LAMA2: variants seen among roughly 807,000 people sequenced by gnomAD.
LAMA2 encodes the protein laminin subunit alpha-2.
LAMA2 carries 269 observed loss-of-function variants against 364.8 expected under a neutral mutation model. That is an observed-to-expected ratio of 0.74 (90% CI 0.67 to 0.82). LAMA2 has a LOEUF of 0.82. Ranked by LOEUF, LAMA2 falls within the 40% of genes least tolerant of loss-of-function variation. The pLI is 0.00. For missense variants in LAMA2, 3,807 were observed against 3,873.2 expected (o/e 0.98, Z 0.45); for synonymous variants, 1,379 against 1,370.6 (o/e 1.01, Z -0.14).
chr6:128,959,027 T>A (rs887999550), intron 1 of LAMA2, among the ~76,000 whole-genome samples: 1 of 152,218 alleles, frequency 6.6e-6, no homozygotes, highest in Non-Finnish European at 1.5e-5. Context: ...GCTAACATTG[T>A]TAAAACCATA....
chr6:129,139,374 G>A (rs929827835), intron 4 of LAMA2, among the ~76,000 whole-genome samples: 3 of 152,010 alleles, frequency 2.0e-5, no homozygotes, highest in Non-Finnish European at 2.9e-5. Flanking sequence ...CATCTGTACC[G>A]AACATGTGCA....
chr6:128,920,955 C>G (rs1173719492), intron 1 of LAMA2, among the ~76,000 whole-genome samples: 1 of 152,122 alleles, frequency 6.6e-6, no homozygotes, highest in Admixed American at 6.5e-5. Context: ...AGGCTTTGAA[C>G]TGACAATTTG....
At chr6:128,997,368 A>AAGAG (rs1355847343) in intron 1 of LAMA2, among the ~76,000 whole-genome samples, 3 of 146,484 alleles carry the variant, frequency 2.0e-5, no homozygotes, top group Non-Finnish European at 3.0e-5. Context: ...GAAAGAAAGA[A>AAGAG]AGAGAGAGAG....
chr6:129,338,812 G>A (rs577107818), intron 29 of LAMA2, among the ~76,000 whole-genome samples: 4 of 152,276 alleles, frequency 2.6e-5, no homozygotes, highest in South Asian at 2.1e-4. Flanking sequence ...GATATACACT[G>A]TAGAGCTAAG....
intron 51 of LAMA2, among the ~76,000 whole-genome samples, chr6:129,469,214 G>A (rs973599782): frequency 6.6e-6 from 1 of 151,874 alleles, no homozygotes; most frequent in Non-Finnish European, 1.5e-5. Context: ...ATGTGACAGG[G>A]TAATTTCAAT....
At chr6:129,462,514 T>C (rs980991940) in intron 49 of LAMA2, among the ~76,000 whole-genome samples, 1 of 152,012 alleles carries the variant, frequency 6.6e-6, no homozygotes, top group Non-Finnish European at 1.5e-5. Context: ...CATCAAACTA[T>C]ATTCACATTT....
intron 1 of LAMA2, among the ~76,000 whole-genome samples, chr6:128,967,415 G>T (rs1781911841): frequency 6.6e-6 from 1 of 152,146 alleles, no homozygotes; most frequent in Non-Finnish European, 1.5e-5. Context: ...AAATATTTGT[G>T]CCAGGCACTG....
At chr6:129,368,000 A>G (rs4296900) in intron 33 of LAMA2, among the ~76,000 whole-genome samples, 109,379 of 152,124 alleles carry the variant, frequency 0.72, 40,023 homozygotes, top group Non-Finnish European at 0.79. Flanking sequence ...AGCAATGTTC[A>G]ATGTCTAGTG....
At chr6:129,087,339 G>A (rs4568475) in intron 3 of LAMA2, among the ~76,000 whole-genome samples, 143,191 of 152,222 alleles carry the variant, frequency 0.94, 67,499 homozygotes, top group East Asian at 0.97. Context: ...TTCCCCAAGG[G>A]AAAGATTATT....
intron 40 of LAMA2, among the ~76,000 whole-genome samples, chr6:129,422,148 C>T (rs186394107): frequency 6.6e-6 from 1 of 152,158 alleles, no homozygotes; most frequent in African/African-American, 2.4e-5. Context: ...ATCAAAAGTC[C>T]CTGCCTGCCT....
intron 3 of LAMA2, among the ~76,000 whole-genome samples, chr6:129,070,131 C>G (rs1227356778): frequency 6.6e-6 from 1 of 151,968 alleles, no homozygotes; most frequent in Non-Finnish European, 1.5e-5. Context: ...GTAACTTGTC[C>G]CACTTTTATG....
chr6:128,995,981 C>A (rs1582843952), intron 1 of LAMA2, among the ~76,000 whole-genome samples: 2 of 152,190 alleles, frequency 1.3e-5, no homozygotes, highest in East Asian at 1.9e-4. Flanking sequence ...TATATGAATT[C>A]ATTCTTTATT....
rs543824838 is a variant in LAMA2 at position 129,144,212 on chromosome 6, GATTATT to G, written c.819+148_819+153del. ...ATCAAATTTTTATTTTAGAATTGTAGATTATTATTATTATTATTATTTGAAATTTGA... is the reference window on the plus strand; with the variant it reads ...ATCAAATTTTTATTTTAGAATTGTAGATTATTATTATTATTTGAAATTTGA... On this transcript the variant is annotated intron_variant, in intron 5 of 64. Coordinates refer to ENST00000421865, the MANE Select transcript of LAMA2 (RefSeq NM_000426.4). 9.6e-3 allele frequency: 6,004 copies of G among 623,164 alleles called. 115 individuals are homozygous for G. Among genetic ancestry groups the G allele is most frequent in the South Asian group, 0.022 (1,014 of 45,352 alleles). The allele number at this position is 623,164 out of a possible 1,614,324, so 38.6% of individuals were successfully genotyped here.
intron 4 of LAMA2, among the ~76,000 whole-genome samples, chr6:129,102,368 C>T (rs1487589414): frequency 6.6e-6 from 1 of 151,944 alleles, no homozygotes; most frequent in Non-Finnish European, 1.5e-5. Context: ...ATCTCTTGAC[C>T]TCATGATCTG....
At chr6:129,055,017 A>G (rs1389530695) in intron 2 of LAMA2, among the ~76,000 whole-genome samples, 2 of 150,804 alleles carry the variant, frequency 1.3e-5, no homozygotes, top group South Asian at 4.1e-4. Flanking sequence ...AAATATATTC[A>G]GCCAATACTA....
chr6:129,440,947 G>C lies in LAMA2; in HGVS notation c.6217G>C (p.Ala2073Pro), dbSNP rs765304422. The C allele has an allele frequency of 2.5e-6, 4 of 1,613,966 alleles. No individual in the cohort carries two copies. Among genetic ancestry groups the C allele is most frequent in the Non-Finnish European group, 2.5e-6 (3 of 1,179,892 alleles). Residue 2073 changes from alanine (A) to proline (P), a missense_variant, in exon 43 of 65, where the codon GCA becomes CCA. By Grantham distance (27) the Ala-to-Pro change is conservative. This residue lies in a region of LAMA2 where 3,333 missense variants were observed against 3,345.7 expected (regional missense o/e 1.00). Transcript: ENST00000421865. Reference sequence around the variant, plus strand: ...CCTGAAGAAGAATTACAATAAACTAGCAGACAGCGTCGCCAAAACGAATGC... The same window carrying C: ...CCTGAAGAAGAATTACAATAAACTACCAGACAGCGTCGCCAAAACGAATGC... ...DGLKKNYNKL[A>P]DSVAKTNAVV... is the part of the protein sequence containing the mutation.
At chr6:129,463,427 A>C (rs1288123971) in intron 49 of LAMA2, among the ~76,000 whole-genome samples, 1 of 151,978 alleles carries the variant, frequency 6.6e-6, no homozygotes, top group African/African-American at 2.4e-5. Context: ...TTTCTAATGA[A>C]TTAAATGAAC....
At chr6:128,916,636 A>T (rs1432085014) in intron 1 of LAMA2, among the ~76,000 whole-genome samples, 1 of 152,160 alleles carries the variant, frequency 6.6e-6, no homozygotes, top group Non-Finnish European at 1.5e-5. Context: ...ATAGTGCTCC[A>T]TGGTTCTTTC....
At chr6:129,404,650 C>T (rs751174274) in intron 40 of LAMA2, among the ~76,000 whole-genome samples, 27 of 152,156 alleles carry the variant, frequency 1.8e-4, no homozygotes, top group Middle Eastern at 3.4e-3. Flanking sequence ...TTAAAAAAAT[C>T]TCATAGGAAT....
Sources: allele counts gnomAD v4.1 joint callset (sites outside exome capture counted in the v4.1 genomes callset), GRCh38; gene constraint gnomAD v4.1.1; regional missense constraint gnomAD v4.1.1; transcripts MANE v1.5; gene names NCBI Gene and HGNC (gene_info 2026-07-23, HGNC 2026-07-21).